CDC25C: variants seen among roughly 807,000 people sequenced by gnomAD.
The protein encoded by CDC25C is M-phase inducer phosphatase 3.
In CDC25C, 48 loss-of-function variants were observed where a neutral mutation model predicts 52.5. The ratio of observed to expected loss-of-function variants is 0.91; its 90% CI spans 0.72 to 1.16. The LOEUF (loss-of-function observed/expected upper bound fraction) is 1.16. Ranked by LOEUF, CDC25C falls within the 50% of genes most tolerant of loss-of-function variation. The probability of loss-of-function intolerance (pLI) is 0.00; values close to 1 mark genes in which losing one functional copy is unlikely to be tolerated. For missense variants in CDC25C, 510 were observed against 566.1 expected, an observed-to-expected ratio of 0.90 and a Z score of 1.01; for synonymous variants, 187 against 206.5, an observed-to-expected ratio of 0.91 and a Z score of 0.81.
chr5:138,322,636 C>T (rs1279109523), intron 6 of CDC25C, among the ~76,000 whole-genome samples: 14 of 151,000 alleles, frequency 9.3e-5, no homozygotes, highest in African/African-American at 2.4e-4. Flanking sequence ...CCACCATGCC[C>T]GGCTAATTTT....
At position 138,331,170 on chromosome 5, in the gene CDC25C, TC is replaced by T; in HGVS notation, c.10del (p.Glu4AsnfsTer26). The T allele has an allele frequency of 6.2e-7, 1 of 1,614,100 alleles. No homozygotes were observed. Among genetic ancestry groups the T allele is most frequent in the Non-Finnish European group, 8.5e-7 (1 of 1,179,976 alleles). On this transcript the variant is annotated frameshift_variant, in exon 2 of 14. Transcript: ENST00000323760. LOFTEE classifies it high-confidence loss of function. MST[E>X]LFSSTREEGS... ...TTCCTCTCTTGTGGATGAGAAGAGT[TC>T]CGTAGACATGGTCTTCGAATTCTCA... is the stretch of plus-strand genomic sequence containing the variant.
intron 6 of CDC25C, among the ~76,000 whole-genome samples, chr5:138,324,206 G>A (rs746076249): frequency 3.9e-5 from 6 of 152,066 alleles, no homozygotes; most frequent in African/African-American, 1.2e-4. Context: ...GGGAGGCAGC[G>A]GTTGCAGTGA....
At chr5:138,291,915 A>G in intron 8 of CDC25C, 55 bp downstream of exon 8, 1 of 1,484,586 alleles carries the variant, frequency 6.7e-7, no homozygotes, top group Non-Finnish European at 9.2e-7. Flanking sequence ...CATACCAGAA[A>G]AGCAAAGACA....
Position 138,286,650 on chromosome 5 carries a change from G to A in CDC25C, c.1027-20C>T, listed in dbSNP as rs367857039. 6.2e-7 allele frequency: 1 copy of A among 1,602,926 alleles called. No individual in the cohort carries two copies. Among genetic ancestry groups the A allele is most frequent in the Non-Finnish European group, 8.5e-7 (1 of 1,173,910 alleles). On this transcript the variant is annotated intron_variant, in intron 11 of 13. Transcript: ENST00000323760. ...GGCTCCCTGTAGAAGAAGAATTTTA[G>A]TAAGTATTTCCTCAGGGGCTTATAG...
At chr5:138,313,995 C>CT (rs766176155) in intron 7 of CDC25C, among the ~76,000 whole-genome samples, 2,564 of 112,648 alleles carry the variant, frequency 0.023, 106 homozygotes, top group African/African-American at 0.06. Context: ...TTCTTTCTTT[C>CT]TTTTTTTTTT....
chr5:138,338,351 A>G (rs553168936), upstream of CDC25C: 87 of 430,604 alleles, frequency 2.0e-4, no homozygotes, highest in East Asian at 6.4e-3. Flanking sequence ...CGGGGCGGGC[A>G]CCTCAACCGT....
intron 11 of CDC25C, 61 bp from the exon 12 acceptor site, chr5:138,286,691 A>G: frequency 6.7e-7 from 1 of 1,494,896 alleles, no homozygotes; most frequent in South Asian, 1.3e-5. Context: ...GCCAATACTT[A>G]GAAATGACTG....
chr5:138,291,533 C>A (rs1756713359), intron 8 of CDC25C, among the ~76,000 whole-genome samples: 1 of 151,818 alleles, frequency 6.6e-6, no homozygotes, highest in Non-Finnish European at 1.5e-5. Flanking sequence ...ATTCTCCTGC[C>A]TCAGCCTCCT....
chr5:138,332,571 T>A (rs538118148), upstream of CDC25C, among the ~76,000 whole-genome samples: 1 of 152,206 alleles, frequency 6.6e-6, no homozygotes, highest in South Asian at 2.1e-4. Context: ...CGAGGTGATA[T>A]TTATAAATTA....
intron 7 of CDC25C, among the ~76,000 whole-genome samples, chr5:138,294,334 G>A (rs1422416830): frequency 1.3e-5 from 2 of 151,516 alleles, no homozygotes; most frequent in Admixed American, 6.6e-5. Flanking sequence ...TGGGATTACA[G>A]GTGCCTGCCA....
intron 7 of CDC25C, 48 bp downstream of exon 7, chr5:138,319,171 A>T (rs756455691): frequency 6.7e-7 from 1 of 1,503,430 alleles, no homozygotes; most frequent in Non-Finnish European, 9.1e-7. Context: ...CTTTTAACAG[A>T]ATGAAGGAAT....
chr5:138,286,576 G>C lies in CDC25C; in HGVS notation c.1081C>G (p.Pro361Ala), dbSNP rs781019622. 6.2e-7 allele frequency: 1 copy of C among 1,613,478 alleles called. No homozygotes were observed. The highest frequency in any genetic ancestry group is 8.5e-7 in the Non-Finnish European group (1 of 1,179,574). The change falls in exon 12 of 14, where the codon CCC (proline) becomes GCC (alanine). Residue 361 changes from proline (P) to alanine (A), a missense_variant. Physicochemically the swap from Pro to Ala is conservative, Grantham distance 27 (BLOSUM62 -1). Coordinates refer to ENST00000323760, the MANE Select transcript of CDC25C (RefSeq NM_001790.5). ...EELFNFFLKKPIVPLDTQKRI... is the reference protein window; with the variant it reads ...EELFNFFLKKAIVPLDTQKRI... Reference sequence around the variant, plus strand: ...TTCTGGGTGTCCAAAGGGACGATGGGCTTCTTCAGAAAGAAGTTAAACAGT... The same window carrying C: ...TTCTGGGTGTCCAAAGGGACGATGGCCTTCTTCAGAAAGAAGTTAAACAGT...
intron 7 of CDC25C, among the ~76,000 whole-genome samples, chr5:138,318,960 C>T (rs1759123118): frequency 6.6e-6 from 1 of 152,170 alleles, no homozygotes; most frequent in African/African-American, 2.4e-5. Flanking sequence ...ATAAGGCAAA[C>T]TCAAGGCTGC....
At position 138,285,761 on chromosome 5, in the gene CDC25C, G is replaced by A. The variant is rs775757510; in HGVS notation, c.1353C>T (p.Ser451=). ...GCTGCCGCTCCCCTTCCTGCACTTT[G>A]CTCTGGCTTCGACACCTCAGCAACT... is the stretch of plus-strand genomic sequence containing the variant. ...KTELLRCRSQ[S]KVQEGERQLR... is the part of the protein sequence containing the mutation. Residue 451 remains serine, a synonymous_variant, in exon 14 of 14, where the codon AGC becomes AGT. Transcript: ENST00000323760. The A allele has an allele frequency of 6.2e-7, 1 of 1,614,198 alleles. No individual in the cohort carries two copies. The highest frequency in any genetic ancestry group is 1.1e-5 in the South Asian group (1 of 91,084).
At chr5:138,300,185 A>G (rs185599832) in intron 7 of CDC25C, among the ~76,000 whole-genome samples, 1 of 152,286 alleles carries the variant, frequency 6.6e-6, no homozygotes, top group East Asian at 1.9e-4. Context: ...AAACAAAACA[A>G]AAGACTGAAA....
intron 6 of CDC25C, among the ~76,000 whole-genome samples, chr5:138,324,445 G>A (rs1037088525): frequency 2.0e-5 from 3 of 151,380 alleles, no homozygotes; most frequent in Admixed American, 1.3e-4. Flanking sequence ...TTTCTAGGGA[G>A]AGGAAAAAAA....
chr5:138,290,548 T>C (rs2126654982), intron 9 of CDC25C, 91 bp downstream of exon 9: 1 of 750,440 alleles, frequency 1.3e-6, no homozygotes, highest in Non-Finnish European at 2.4e-6. Flanking sequence ...TTGGTGAGGA[T>C]GCATATTTAC....
At chr5:138,329,166 G>A (rs1760134057) in intron 3 of CDC25C, among the ~76,000 whole-genome samples, 1 of 152,166 alleles carries the variant, frequency 6.6e-6, no homozygotes, top group South Asian at 2.1e-4. Context: ...CCCTCCCAAA[G>A]TGCTGGGATT....
chr5:138,325,862 G>A lies in CDC25C; in HGVS notation c.412C>T (p.His138Tyr). 6.2e-7 allele frequency: 1 copy of A among 1,613,948 alleles called. No individual in the cohort carries two copies. The highest frequency in any genetic ancestry group is 1.7e-5 in the Admixed American group (1 of 60,020). ...CSTPNGLDRG[H>Y]RKRDAMCSSS... ...CTACACATTGCATCTCTCTTTCTAT[G>A]GCCACGGTCCAAACCATTCGGAGTG... The change falls in exon 6 of 14, where the codon CAT becomes TAT. Residue 138 changes from histidine (H) to tyrosine (Y), a missense_variant. His to Tyr is a moderately conservative substitution (Grantham distance 83). Transcript: ENST00000323760.
Sources: gnomAD v4.1 joint callset for allele counts (sites outside exome capture counted in the v4.1 genomes callset) on GRCh38, gnomAD v4.1.1 for gene constraint, MANE v1.5 for transcripts, NCBI Gene and HGNC (gene_info 2026-07-23, HGNC 2026-07-21) for gene names.